ANO4: variants seen among roughly 807,000 people sequenced by gnomAD.
The protein encoded by ANO4 is anoctamin 4, also known as anoctamin-4.
In ANO4, 69 loss-of-function variants were observed where a neutral mutation model predicts 141.9. The observed-to-expected ratio is 0.49, with a 90% CI of 0.40 to 0.59. The LOEUF is 0.59. Among genes scored for constraint, ANO4 ranks in the 20% least tolerant of loss-of-function variants. The pLI, the probability that ANO4 is intolerant of heterozygous loss-of-function variation, is 0.00. For synonymous variants in ANO4, 350 were observed against 394.3 expected, an observed-to-expected ratio of 0.89 and a Z score of 1.33; for missense variants, 894 against 1,162.2, an observed-to-expected ratio of 0.77 and a Z score of 3.36.
chr12:100,776,997 C>T (rs1301305251), intron 3 of ANO4, among the ~76,000 whole-genome samples: 2 of 152,016 alleles, frequency 1.3e-5, no homozygotes, highest in Non-Finnish European at 2.9e-5. Flanking sequence ...AGTTATAAGG[C>T]ACCCTGAAGA....
chr12:100,797,072 G>A (rs550162245), intron 1 of ANO4, among the ~76,000 whole-genome samples: 4 of 152,064 alleles, frequency 2.6e-5, no homozygotes, highest in East Asian at 1.9e-4. Context: ...TAAACAGATT[G>A]TGTACCTATG....
chr12:100,813,129 A>G (rs1167080220), intron 1 of ANO4, among the ~76,000 whole-genome samples: 4 of 152,214 alleles, frequency 2.6e-5, no homozygotes, highest in African/African-American at 9.6e-5. Context: ...GCAGTGTCAA[A>G]TGAAAGCTGG....
At chr12:101,044,768 T>C (rs1361912221) in intron 13 of ANO4, among the ~76,000 whole-genome samples, 1 of 152,154 alleles carries the variant, frequency 6.6e-6, no homozygotes, top group African/African-American at 2.4e-5. Context: ...AGCTCTTATG[T>C]TGCAAGGGAC....
chr12:100,999,860 C>T (rs996219186), intron 8 of ANO4, among the ~76,000 whole-genome samples: 2 of 149,860 alleles, frequency 1.3e-5, no homozygotes, highest in Non-Finnish European at 3.0e-5. Flanking sequence ...GCCTGGCCAA[C>T]ATTGTGAAAC....
intron 9 of ANO4, among the ~76,000 whole-genome samples, chr12:101,036,659 CAGAG>C: frequency 6.6e-6 from 1 of 152,162 alleles, no homozygotes; most frequent in South Asian, 2.1e-4. Context: ...CTCTTAGAAA[CAGAG>C]AGTAGAATAG....
At chr12:100,843,825 A>G (rs961190484) in intron 1 of ANO4, among the ~76,000 whole-genome samples, 4 of 152,220 alleles carry the variant, frequency 2.6e-5, no homozygotes, top group Admixed American at 2.6e-4. Flanking sequence ...TCAATTTGAA[A>G]TATACAATGA....
chr12:100,959,463 C>T lies in ANO4; in HGVS notation c.457-11843C>T, dbSNP rs1236372697. ...TTTCTCTTCTACACTTCACAGAAAA[C>T]TTCTTGAAAGATTTGTCTAGTGTCC... On this transcript the variant is annotated intron_variant, in intron 5 of 27. Transcript: ENST00000392977. 1.2e-4 allele frequency among the ~76,000 whole-genome samples: 19 copies of T among 152,196 alleles called. 1 individual carries two copies.
At chr12:101,006,588 T>C (rs776495658) in intron 8 of ANO4, among the ~76,000 whole-genome samples, 4 of 152,186 alleles carry the variant, frequency 2.6e-5, no homozygotes, top group Non-Finnish European at 5.9e-5. Flanking sequence ...AATGAGCCAG[T>C]AAACTGTACT....
At chr12:100,979,469 G>T (rs2044352454) in intron 7 of ANO4, among the ~76,000 whole-genome samples, 1 of 152,250 alleles carries the variant, frequency 6.6e-6, no homozygotes, top group Middle Eastern at 3.4e-3. Context: ...CATCACTATA[G>T]AGTGGAGGAT....
chr12:100,795,169 A>G (rs1217040410), intron 1 of ANO4, 142 bp downstream of exon 1: 4 of 152,636 alleles, frequency 2.6e-5, no homozygotes, highest in South Asian at 2.1e-4. Context: ...TCCAGCTTCA[A>G]AAATGCCAGG....
chr12:100,745,240 G>A (rs2032050564), intron 3 of ANO4, among the ~76,000 whole-genome samples: 2 of 152,228 alleles, frequency 1.3e-5, no homozygotes, highest in South Asian at 4.2e-4. Context: ...CATCTACTTT[G>A]ATACCTTTCC....
At chr12:101,082,034 T>G (rs2049304656) in intron 15 of ANO4, among the ~76,000 whole-genome samples, 2 of 152,144 alleles carry the variant, frequency 1.3e-5, no homozygotes, top group Non-Finnish European at 2.9e-5. Flanking sequence ...AAGACACAAT[T>G]TGGCCTATAA....
At chr12:101,036,498 A>G (rs1415850605) in intron 9 of ANO4, among the ~76,000 whole-genome samples, 2 of 152,198 alleles carry the variant, frequency 1.3e-5, no homozygotes, top group African/African-American at 4.8e-5. Context: ...CATATATACA[A>G]TGGAATATTG....
At chr12:100,936,617 A>G (rs528260548) in intron 3 of ANO4, among the ~76,000 whole-genome samples, 4 of 152,188 alleles carry the variant, frequency 2.6e-5, no homozygotes, top group Non-Finnish European at 5.9e-5. Flanking sequence ...AGTCACCTAG[A>G]CATGAACCTC....
chr12:100,996,972 A>T (rs780746268), intron 8 of ANO4, among the ~76,000 whole-genome samples: 5 of 152,150 alleles, frequency 3.3e-5, no homozygotes, highest in Admixed American at 6.5e-5. Context: ...GGGTAGAATA[A>T]TGATGGTCAG....
At chr12:100,723,186 G>A (rs922070353) in intron 1 of ANO4, among the ~76,000 whole-genome samples, 3 of 152,144 alleles carry the variant, frequency 2.0e-5, no homozygotes, top group Non-Finnish European at 4.4e-5. Flanking sequence ...CTGAGAAGCA[G>A]CATTTTAATT....
At chr12:101,122,615 T>C (rs2051141464) in intron 26 of ANO4, among the ~76,000 whole-genome samples, 1 of 152,224 alleles carries the variant, frequency 6.6e-6, no homozygotes. Flanking sequence ...TAGCCAGTTA[T>C]CTCAGCACCA....
At chr12:100,799,829 G>A (rs184701357) in intron 1 of ANO4, among the ~76,000 whole-genome samples, 277 of 152,272 alleles carry the variant, frequency 1.8e-3, no homozygotes, top group African/African-American at 6.2e-3. Flanking sequence ...CCCCAAGGCT[G>A]GAGACTCACA....
intron 9 of ANO4, among the ~76,000 whole-genome samples, chr12:101,036,338 A>G (rs1184842423): frequency 6.6e-6 from 1 of 152,214 alleles, no homozygotes; most frequent in African/African-American, 2.4e-5. Context: ...CAGCAATCCT[A>G]CTTTTGGGTA....
Sources: allele counts gnomAD v4.1 joint callset (sites outside exome capture counted in the v4.1 genomes callset), GRCh38; gene constraint gnomAD v4.1.1; transcripts MANE v1.5; gene names NCBI Gene and HGNC (gene_info 2026-07-23, HGNC 2026-07-21).